The following RIMS2 variants were observed in gnomAD, a reference collection of about 807,000 sequenced individuals.
RIMS2 encodes regulating synaptic membrane exocytosis protein 2.
Under a neutral mutation model 174.4 loss-of-function variants are expected in RIMS2, and 59 were observed. That is an observed-to-expected ratio of 0.34 (90% CI 0.27 to 0.42). RIMS2 has a LOEUF of 0.42. Ranked by LOEUF, RIMS2 falls within the 10% of genes least tolerant of loss-of-function variation. The pLI is 1.00. For missense variants in RIMS2, 1,620 were observed against 1,666.3 expected, an observed-to-expected ratio of 0.97 and a Z score of 0.48; for synonymous variants, 606 against 572.5, an observed-to-expected ratio of 1.06 and a Z score of -0.84.
intron 1 of RIMS2, among the ~76,000 whole-genome samples, chr8:103,516,720 GT>G (rs368186828): frequency 9.0e-4 from 137 of 152,144 alleles, no homozygotes; most frequent in African/African-American, 3.2e-3. Context: ...AAAAATAAAT[GT>G]TTTACATGTG....
chr8:103,610,777 G>A (rs894087070), intron 1 of RIMS2, among the ~76,000 whole-genome samples: 11 of 152,052 alleles, frequency 7.2e-5, no homozygotes, highest in Non-Finnish European at 2.9e-5. Flanking sequence ...CAAAGATATT[G>A]GCTGGAAATT....
chr8:103,516,157 T>G (rs1404862612), intron 1 of RIMS2, among the ~76,000 whole-genome samples: 1 of 152,158 alleles, frequency 6.6e-6, no homozygotes, highest in East Asian at 1.9e-4. Context: ...CTTGCAGACA[T>G]TTTAAAAAGT....
At chr8:103,576,129 C>T (rs1303135720) in intron 1 of RIMS2, among the ~76,000 whole-genome samples, 1 of 152,162 alleles carries the variant, frequency 6.6e-6, no homozygotes, top group Non-Finnish European at 1.5e-5. Flanking sequence ...TCCACAGGTC[C>T]CCTGGGCATG....
intron 1 of RIMS2, among the ~76,000 whole-genome samples, chr8:103,502,830 A>C (rs952756909): frequency 2.0e-5 from 3 of 152,046 alleles, no homozygotes; most frequent in African/African-American, 7.2e-5. Flanking sequence ...TCATAGTAGA[A>C]ATACTATGTG....
intron 19 of RIMS2, among the ~76,000 whole-genome samples, chr8:104,036,580 A>T (rs1266325335): frequency 1.3e-5 from 2 of 152,158 alleles, no homozygotes; most frequent in South Asian, 2.1e-4. Context: ...GAAGGCATTT[A>T]AAAAATAACC....
intron 3 of RIMS2, among the ~76,000 whole-genome samples, chr8:103,787,575 T>C: frequency 6.6e-6 from 1 of 152,182 alleles, no homozygotes; most frequent in Non-Finnish European, 1.5e-5. Flanking sequence ...AAAATTCTTT[T>C]CTTTAAGAAT....
chr8:103,567,188 C>T (rs1358223363), intron 1 of RIMS2, among the ~76,000 whole-genome samples: 1 of 152,112 alleles, frequency 6.6e-6, no homozygotes, highest in African/African-American at 2.4e-5. Context: ...TGGTAAAATG[C>T]ACATATAAAA....
At chr8:103,646,227 G>T (rs542856801) in intron 1 of RIMS2, among the ~76,000 whole-genome samples, 13 of 152,198 alleles carry the variant, frequency 8.5e-5, no homozygotes, top group African/African-American at 3.1e-4. Context: ...GCAGGCCACA[G>T]GGGATATGAT....
exon 4 of RIMS2, chr8:103,885,897 C>T (rs780078883): frequency 1.2e-6 from 2 of 1,612,992 alleles, no homozygotes; most frequent in Non-Finnish European, 8.5e-7. Context: ...AACCATAGTC[C>T]TCCTACCCCC....
At chr8:103,637,749 T>G (rs2096123381) in intron 1 of RIMS2, among the ~76,000 whole-genome samples, 1 of 152,202 alleles carries the variant, frequency 6.6e-6, no homozygotes, top group East Asian at 1.9e-4. Context: ...ATTAAATAAC[T>G]GTAGGATTTA....
chr8:103,656,086 T>G (rs897394075), intron 1 of RIMS2, among the ~76,000 whole-genome samples: 6 of 151,972 alleles, frequency 3.9e-5, no homozygotes, highest in Non-Finnish European at 8.8e-5. Flanking sequence ...GAGAAGTAAA[T>G]TGAGAATATA....
rs114059251 is a variant in RIMS2 at position 104,171,889 on chromosome 8, C to T, written c.3335-73027C>T. 4.3e-3 allele frequency among the ~76,000 whole-genome samples: 659 copies of T among 152,102 alleles called. 9 individuals are homozygous for T. The highest frequency in any genetic ancestry group is 0.015 in the African/African-American group (611 of 41,516). ...GTTTATTATAGCCTAATTTGATTCT[C>T]GGATATTTTATGTGATGCCTCTGGA... On this transcript the variant is annotated intron_variant, in intron 19 of 23. Coordinates refer to ENST00000504942, the Ensembl canonical transcript of RIMS2.
chr8:103,691,240 G>T (rs924127977), intron 1 of RIMS2, among the ~76,000 whole-genome samples: 2 of 152,022 alleles, frequency 1.3e-5, no homozygotes, highest in Non-Finnish European at 2.9e-5. Flanking sequence ...CTTTAGGTTT[G>T]GGAAGTTCTC....
chr8:104,162,866 T>C (rs1352235917), intron 19 of RIMS2, among the ~76,000 whole-genome samples: 1 of 152,120 alleles, frequency 6.6e-6, no homozygotes, highest in African/African-American at 2.4e-5. Flanking sequence ...AGCATCAGAG[T>C]ATAAACAGAA....
intron 4 of RIMS2, among the ~76,000 whole-genome samples, chr8:103,904,552 A>G (rs187680960): frequency 2.0e-5 from 3 of 152,186 alleles, no homozygotes; most frequent in African/African-American, 7.2e-5. Flanking sequence ...GGATAAGATC[A>G]TGTAATTATT....
intron 1 of RIMS2, among the ~76,000 whole-genome samples, chr8:103,531,682 T>C (rs575886656): frequency 6.6e-6 from 1 of 152,368 alleles, no homozygotes; most frequent in African/African-American, 2.4e-5. Flanking sequence ...GTTCAAATTC[T>C]AATTCAAATG....
At chr8:103,787,702 A>C (rs1489931473) in intron 3 of RIMS2, among the ~76,000 whole-genome samples, 1 of 152,142 alleles carries the variant, frequency 6.6e-6, no homozygotes, top group Admixed American at 6.5e-5. Flanking sequence ...GCTGCCCTTA[A>C]CATTTTTTCC....
chr8:103,983,752 A>G (rs1280264462), intron 16 of RIMS2, among the ~76,000 whole-genome samples: 1 of 152,176 alleles, frequency 6.6e-6, no homozygotes, highest in African/African-American at 2.4e-5. Flanking sequence ...TCAAATTAAA[A>G]CGGATTAAAG....
chr8:104,164,760 A>C (rs1246130189), intron 19 of RIMS2, among the ~76,000 whole-genome samples: 1 of 152,194 alleles, frequency 6.6e-6, no homozygotes, highest in Non-Finnish European at 1.5e-5. Context: ...ATGAGGACTC[A>C]TGGACACATA....
Sources: gnomAD v4.1 joint callset for allele counts (sites outside exome capture counted in the v4.1 genomes callset) on GRCh38, gnomAD v4.1.1 for gene constraint, MANE v1.5 for transcripts, NCBI Gene and HGNC (gene_info 2026-07-23, HGNC 2026-07-21) for gene names.